Variants in KLHL4 observed in about 807,000 individuals in gnomAD.
KLHL4 encodes kelch-like protein 4.
A neutral mutation model predicts 45.8 loss-of-function variants in KLHL4; 17 were observed. That is an observed-to-expected ratio of 0.37 (90% CI 0.25 to 0.56). The LOEUF is 0.56. Among genes scored for constraint, KLHL4 ranks in the 20% least tolerant of loss-of-function variants. The probability of loss-of-function intolerance (pLI) is 0.79; values close to 1 mark genes in which losing one functional copy is unlikely to be tolerated. For synonymous variants in KLHL4, 224 were observed against 189.9 expected, an observed-to-expected ratio of 1.18 and a Z score of -1.47; for missense variants, 544 against 544.9, an observed-to-expected ratio of 1.00 and a Z score of 0.02.
At chrX:87,612,281 G>T (rs1922407122) in intron 1 of KLHL4, among the ~76,000 whole-genome samples, 1 of 111,630 alleles carries the variant, frequency 9.0e-6, no homozygotes. Context: ...AGTGTTCTAT[G>T]CCGGTATTCC....
At position 87,667,874 on chromosome X, in the gene KLHL4, G is replaced by A; in HGVS notation, c.*1340G>A. 1 of 665,974 alleles carries A rather than the reference G, an allele frequency of 1.5e-6. No homozygotes were observed. The highest frequency in any genetic ancestry group is 1.8e-6 in the Non-Finnish European group (1 of 558,937). The allele number at this position is 665,974 out of a possible 1,213,427, so 54.9% of individuals were successfully genotyped here. On this transcript the variant is annotated 3_prime_UTR_variant, in exon 11 of 11. Transcript: ENST00000373119. ...TAAGTTTTAAGAAAGAAGAACGTAA[G>A]TTGTACAAAGATATTTGTACTTTGA...
At chrX:87,595,726 T>G (rs1199241194) in intron 1 of KLHL4, among the ~76,000 whole-genome samples, 1 of 111,568 alleles carries the variant, frequency 9.0e-6, no homozygotes, top group Non-Finnish European at 1.9e-5. Context: ...AATTCATACT[T>G]GTTTCTATGT....
At chrX:87,530,459 C>A (rs1931236170) in intron 1 of KLHL4, among the ~76,000 whole-genome samples, 1 of 84,348 alleles carries the variant, frequency 1.2e-5, no homozygotes, top group Non-Finnish European at 2.2e-5. Flanking sequence ...TGTGATATTC[C>A]CCTTCCTGTG....
intron 1 of KLHL4, among the ~76,000 whole-genome samples, chrX:87,528,183 C>T (rs1252786118): frequency 9.0e-6 from 1 of 111,415 alleles, no homozygotes; most frequent in East Asian, 2.8e-4. Context: ...AAAAATTCAA[C>T]AAAGAGATAG....
intron 1 of KLHL4, among the ~76,000 whole-genome samples, chrX:87,559,014 C>T (rs1932039773): frequency 9.0e-6 from 1 of 111,714 alleles, no homozygotes; most frequent in South Asian, 3.7e-4. Context: ...AGTAGGTAAA[C>T]ATCTCTAAAG....
intron 9 of KLHL4, among the ~76,000 whole-genome samples, chrX:87,636,720 C>G (rs990703158): frequency 6.4e-5 from 7 of 109,969 alleles, no homozygotes; most frequent in Admixed American, 3.9e-4. Context: ...CCCACTTTCC[C>G]GGTGGCCTAT....
At chrX:87,614,099 G>C in intron 2 of KLHL4, 55 bp downstream of exon 2, 2 of 858,649 alleles carry the variant, frequency 2.3e-6, no homozygotes, top group Non-Finnish European at 3.3e-6. Flanking sequence ...ATAAATAAGA[G>C]ATAATGAGTA....
intron 1 of KLHL4, among the ~76,000 whole-genome samples, chrX:87,609,209 G>A (rs1051659541): frequency 2.1e-4 from 24 of 111,925 alleles, no homozygotes; most frequent in Admixed American, 4.7e-4. Context: ...GAACATTGCC[G>A]CAATAAACAT....
intron 9 of KLHL4, among the ~76,000 whole-genome samples, chrX:87,657,488 A>G (rs1924030273): frequency 8.9e-6 from 1 of 112,210 alleles, no homozygotes; most frequent in African/African-American, 3.2e-5. Flanking sequence ...TGTAGTATTA[A>G]TGTACAAGGC....
chrX:87,570,942 TA>T (rs1269235037), intron 1 of KLHL4, among the ~76,000 whole-genome samples: 3 of 110,985 alleles, frequency 2.7e-5, no homozygotes, highest in Non-Finnish European at 5.7e-5. Context: ...ATTTTGTGCT[TA>T]AGTTAGTAGG....
chrX:87,607,250 C>A (rs970494496), intron 1 of KLHL4, among the ~76,000 whole-genome samples: 1 of 110,898 alleles, frequency 9.0e-6, no homozygotes, highest in Admixed American at 9.7e-5. Flanking sequence ...ACATGTTGCA[C>A]CCTAGCGCAA....
At chrX:87,644,506 G>A (rs925795169) in intron 9 of KLHL4, among the ~76,000 whole-genome samples, 1 of 110,508 alleles carries the variant, frequency 9.0e-6, no homozygotes, top group Admixed American at 9.7e-5. Context: ...ATTCAACGCA[G>A]TCCCCACCAA....
At chrX:87,663,912 G>T (rs974670666) in intron 9 of KLHL4, among the ~76,000 whole-genome samples, 1 of 111,481 alleles carries the variant, frequency 9.0e-6, no homozygotes, top group Non-Finnish European at 1.9e-5. Flanking sequence ...ATATATCAGT[G>T]GAAAGTGATA....
chrX:87,627,513 T>G (rs1360426022), intron 6 of KLHL4, among the ~76,000 whole-genome samples: 1 of 111,680 alleles, frequency 9.0e-6, no homozygotes, highest in African/African-American at 3.2e-5. Flanking sequence ...ATTTGCAGAT[T>G]TGTAGGGTTA....
chrX:87,649,887 C>A (rs915173976), intron 9 of KLHL4, among the ~76,000 whole-genome samples: 1 of 110,998 alleles, frequency 9.0e-6, no homozygotes, highest in African/African-American at 3.3e-5. Context: ...GTCTTTATGC[C>A]AGTACCTCAC....
At chrX:87,541,699 G>C (rs1362497496) in intron 1 of KLHL4, among the ~76,000 whole-genome samples, 2 of 110,617 alleles carry the variant, frequency 1.8e-5, no homozygotes, top group African/African-American at 6.6e-5. Flanking sequence ...GTTTATAGCA[G>C]TGTTAGAATG....
Position 87,633,883 on chromosome X carries a change from A to G in KLHL4, c.1684A>G (p.Thr562Ala). 1 of 1,206,802 alleles carries G rather than the reference A, an allele frequency of 8.3e-7. No individual in the cohort carries two copies. Among genetic ancestry groups the G allele is most frequent in the Non-Finnish European group, 1.1e-6 (1 of 893,552 alleles). ...AGCCAGTATGTCAACTCCTAGAAGC[A>G]CAGTTGGTGTTGTTGCATTAAACAA... ...YVASMSTPRS[T>A]VGVVALNNKL... Residue 562 changes from threonine (T) to alanine (A), a missense_variant, in exon 8 of 11, where the codon ACA (threonine) becomes GCA (alanine). Thr to Ala is a moderately conservative substitution (Grantham distance 58). Coordinates refer to ENST00000373119, the MANE Select transcript of KLHL4 (RefSeq NM_019117.5).
chrX:87,608,252 C>T (rs898794694), intron 1 of KLHL4, among the ~76,000 whole-genome samples: 4 of 111,968 alleles, frequency 3.6e-5, no homozygotes, highest in Non-Finnish European at 7.5e-5. Flanking sequence ...AATTCTTCTT[C>T]CCATTTCCAC....
At chrX:87,545,595 G>A (rs1471408770) in intron 1 of KLHL4, among the ~76,000 whole-genome samples, 1 of 111,732 alleles carries the variant, frequency 8.9e-6, no homozygotes, top group Non-Finnish European at 1.9e-5. Flanking sequence ...GTAGTTCCTT[G>A]TAGCAGTGTA....
Sources: allele counts gnomAD v4.1 joint callset (sites outside exome capture counted in the v4.1 genomes callset), GRCh38; gene constraint gnomAD v4.1.1; transcripts MANE v1.5; gene names NCBI Gene and HGNC (gene_info 2026-07-23, HGNC 2026-07-21).